ITGAL: variants seen among roughly 807,000 people sequenced by gnomAD.
ITGAL encodes integrin subunit alpha L.
A neutral mutation model predicts 138.4 loss-of-function variants in ITGAL; 68 were observed. The observed-to-expected ratio is 0.49, with a 90% CI of 0.40 to 0.60. The LOEUF (loss-of-function observed/expected upper bound fraction) is 0.60. ITGAL is among the 20% of genes least tolerant of loss of function. The probability of loss-of-function intolerance (pLI) is 0.00; values close to 1 mark genes in which losing one functional copy is unlikely to be tolerated. For missense variants in ITGAL, 1,256 were observed against 1,478.6 expected, an observed-to-expected ratio of 0.85 and a Z score of 2.47; for synonymous variants, 561 against 584.3, an observed-to-expected ratio of 0.96 and a Z score of 0.57.
intron 9 of ITGAL, among the ~76,000 whole-genome samples, chr16:30,485,416 A>G (rs368644215): frequency 2.5e-4 from 36 of 144,884 alleles, no homozygotes; most frequent in Non-Finnish European, 3.5e-4. Flanking sequence ...TAGTAGAGAC[A>G]GGGTTTCATC....
rs371713581 is a variant in ITGAL, at chr16:30,513,820, A to C, written c.2836A>C (p.Ile946Leu). Residue 946 changes from isoleucine (I) to leucine (L), a missense_variant, in exon 25 of 31, where the codon ATC becomes CTC. Around this residue, in one of 3 missense-constraint regions of ITGAL, gnomAD observed 867 missense variants for 972.5 expected, o/e 0.89. Transcript: ENST00000356798. The stretch of plus-strand genomic sequence containing the variant: ...CAGTTTCACCCCCAAAGGCCCCAAG[A>C]TCCACCAAGTCAAGCACATGTACCA... ...YVSFTPKGPK[I>L]HQVKHMYQVR... is the part of the protein sequence containing the mutation. 3 of 1,613,228 alleles carry C rather than the reference A, an allele frequency of 1.9e-6. No homozygotes were observed. Among genetic ancestry groups the C allele is most frequent in the Non-Finnish European group, 2.5e-6 (3 of 1,179,326 alleles).
chr16:30,499,101 C>T lies in ITGAL; in HGVS notation c.1860C>T (p.Thr620=), dbSNP rs752341031. 1.2e-6 allele frequency: 2 copies of T among 1,613,966 alleles called. No individual in the cohort carries two copies. The highest frequency in any genetic ancestry group is 1.3e-5 in the African/African-American group (1 of 74,888). ...CCCGGCCCGTGGTGGATATGGTCAC[C>T]CTGATGTCCTTCTCTCCAGCTGAGA... The part of the protein sequence containing the change: ...LSSRPVVDMV[T]LMSFSPAEIP... The change falls in exon 16 of 31, where the codon ACC becomes ACT. Residue 620 remains threonine (T), a synonymous_variant. Transcript: ENST00000356798.
intron 21 of ITGAL, among the ~76,000 whole-genome samples, chr16:30,507,640 A>T (rs1266778535): frequency 2.0e-5 from 3 of 150,104 alleles, no homozygotes; most frequent in African/African-American, 7.4e-5. Context: ...ATAGAGCAAG[A>T]CTCCATCTCA....
chr16:30,481,361 A>AT (rs2050557907), intron 6 of ITGAL, 78 bp from the exon 7 acceptor site: 1 of 1,058,490 alleles, frequency 9.4e-7, no homozygotes, highest in African/African-American at 1.7e-5. Context: ...AAAAAAAAAA[A>AT]AAAAAAGAAG....
intron 25 of ITGAL, among the ~76,000 whole-genome samples, chr16:30,514,359 C>G (rs937497439): frequency 2.6e-5 from 4 of 152,012 alleles, no homozygotes; most frequent in African/African-American, 4.8e-5. Context: ...TCACTGCAAC[C>G]TCCGCCTCCT....
Position 30,522,019 on chromosome 16 carries a change from G to A in ITGAL, c.*354G>A. The A allele has an allele frequency of 4.5e-6, 1 of 222,666 alleles. No homozygotes were observed. The highest frequency in any genetic ancestry group is 1.1e-4 in the East Asian group (1 of 9,130). 13.8% of individuals were successfully genotyped at this position (222,666 alleles called of 1,614,324 possible). ...CTGGCCCTCACCCCTGCCCTGGGATGTCCACAGATGCCTCCACCCCCCAGA... is the reference window on the plus strand; with the variant it reads ...CTGGCCCTCACCCCTGCCCTGGGATATCCACAGATGCCTCCACCCCCCAGA... On this transcript the variant is annotated 3_prime_UTR_variant, in exon 31 of 31. Transcript: ENST00000356798. This position sits in a 1 kb window ranked among gnomAD's most constrained non-coding sequence, Gnocchi z 4.0.
In ITGAL at chr16:30,521,603, G is replaced by T; in HGVS notation, c.3451G>T (p.Asp1151Tyr). The T allele has an allele frequency of 3.1e-6, 5 of 1,614,210 alleles. No individual in the cohort carries two copies. The highest frequency in any genetic ancestry group is 4.2e-6 in the Non-Finnish European group (5 of 1,180,040). ...EQLASGQEAG[D>Y]PGCLKPLHEK... ...GCTGGCATCTGGGCAAGAGGCTGGG[G>T]ATCCCGGCTGCCTGAAGCCCCTCCA... Residue 1151 changes from aspartate to tyrosine, a missense_variant, in exon 31 of 31, where the codon GAT becomes TAT. Around this residue, in one of 3 missense-constraint regions of ITGAL, gnomAD observed 867 missense variants for 972.5 expected, o/e 0.89. Coordinates refer to ENST00000356798, the MANE Select transcript of ITGAL (RefSeq NM_002209.3).
At chr16:30,509,350 C>T (rs143582716) in intron 21 of ITGAL, 1 of 152,226 alleles carries the variant, frequency 6.6e-6, no homozygotes, top group African/African-American at 2.4e-5. Context: ...AGACTGAAAT[C>T]TGTCCTTTAC....
rs775193597 is a variant in ITGAL at position 30,517,828 on chromosome 16, C to T, written c.3065C>T (p.Pro1022Leu). 1.9e-6 allele frequency: 3 copies of T among 1,614,186 alleles called. No homozygotes were observed. Among genetic ancestry groups the T allele is most frequent in the Non-Finnish European group, 2.5e-6 (3 of 1,180,028 alleles). The change falls in exon 28 of 31, where the codon CCT (proline) becomes CTT (leucine). Residue 1022 changes from proline (P) to leucine (L), a missense_variant. Around this residue, in one of 3 missense-constraint regions of ITGAL, gnomAD observed 867 missense variants for 972.5 expected, o/e 0.89. Coordinates refer to ENST00000356798, the MANE Select transcript of ITGAL (RefSeq NM_002209.3). Reference sequence around the variant, plus strand: ...CTCCCCGGAGCCCTGTTCCGCTGCCCTGTTGTCTTCAGGCAGGAGATCCTC... The same window carrying T: ...CTCCCCGGAGCCCTGTTCCGCTGCCTTGTTGTCTTCAGGCAGGAGATCCTC... The part of the protein sequence containing the change: ...PCLPGALFRC[P>L]VVFRQEILVQ...
intron 20 of ITGAL, among the ~76,000 whole-genome samples, 162 bp from the exon 21 acceptor site, chr16:30,506,553 C>A (rs2051000019): frequency 2.9e-5 from 2 of 69,300 alleles, no homozygotes; most frequent in African/African-American, 6.3e-5. Context: ...AGTGAGACTC[C>A]ATCTCAAAAA....
chr16:30,503,529 C>T (rs1264082838), intron 17 of ITGAL, among the ~76,000 whole-genome samples: 1 of 97,392 alleles, frequency 1.0e-5, no homozygotes, highest in East Asian at 3.5e-4. Context: ...GGAAGGACAA[C>T]GGAGGAAGGA....
intron 17 of ITGAL, 21 bp downstream of exon 17, chr16:30,499,510 G>A: frequency 6.2e-7 from 1 of 1,611,022 alleles, no homozygotes; most frequent in Non-Finnish European, 8.5e-7. Context: ...CAGCGCCAAT[G>A]CTCTGGGATG....
rs369017949 is a variant in ITGAL, at chr16:30,484,292, G to A, written c.1006+29G>A. Reference sequence around the variant, plus strand: ...AGTGGCAGGCCCTGGGAGAGGGCTCGGGAGTCTGCATAAAGAAATTCCCCT... The same window carrying A: ...AGTGGCAGGCCCTGGGAGAGGGCTCAGGAGTCTGCATAAAGAAATTCCCCT... On this transcript the variant is annotated intron_variant, in intron 9 of 30. Coordinates refer to ENST00000356798, the MANE Select transcript of ITGAL (RefSeq NM_002209.3). 56 of 1,599,068 alleles carry A rather than the reference G, an allele frequency of 3.5e-5. No individual in the cohort carries two copies. The East Asian group carries it at 3.8e-4, about 11-fold the overall frequency.
At chr16:30,506,963 G>A (rs1443652478) in intron 21 of ITGAL, 107 bp downstream of exon 21, 10 of 1,228,684 alleles carry the variant, frequency 8.1e-6, no homozygotes, top group Non-Finnish European at 1.2e-5. Context: ...GCAGCTGCGG[G>A]TGGACAGGGG....
chr16:30,514,698 A>G (rs192606568), intron 25 of ITGAL, among the ~76,000 whole-genome samples: 30 of 152,308 alleles, frequency 2.0e-4, no homozygotes, highest in Non-Finnish European at 4.0e-4. Flanking sequence ...TACTAGGACT[A>G]CAGGCATGAG....
chr16:30,497,072 C>T (rs556633034), intron 15 of ITGAL, among the ~76,000 whole-genome samples: 33 of 152,164 alleles, frequency 2.2e-4, no homozygotes, highest in African/African-American at 7.2e-4. Flanking sequence ...CAGCTGGGCA[C>T]GGTGGCTCAC....
chr16:30,497,513 G>C (rs1471781072), intron 15 of ITGAL, among the ~76,000 whole-genome samples: 2 of 151,020 alleles, frequency 1.3e-5, no homozygotes, highest in Non-Finnish European at 3.0e-5. Context: ...GTCTTGCACT[G>C]TTGCCCAGGC....
At chr16:30,504,393 C>G (rs2050952003) in intron 18 of ITGAL, 129 bp downstream of exon 18, 1 of 701,656 alleles carries the variant, frequency 1.4e-6, no homozygotes, top group East Asian at 2.7e-5. Context: ...GGGTGGATCA[C>G]TTAAGGTCAG....
rs59770529 is a variant in ITGAL at position 30,479,648 on chromosome 16, C to CTTTTTTTT, written c.576+209_576+216dup. 2.1e-4 allele frequency among the ~76,000 whole-genome samples: 15 copies of CTTTTTTTT among 72,862 alleles called. 1 individual carries two copies. The highest frequency in any genetic ancestry group is 3.3e-4 in the African/African-American group (6 of 18,010). The allele number at this position is 72,862 out of a possible 152,430, so 47.8% of individuals were successfully genotyped here. On this transcript the variant is annotated intron_variant, in intron 6 of 30. Coordinates refer to ENST00000356798, the MANE Select transcript of ITGAL (RefSeq NM_002209.3). ...TAGGAGTCTCTCTAGTTCTCATTTC[C>CTTTTTTTT]TTTTTTTTTTTTTTTTTTTTTTTTT... is the stretch of plus-strand genomic sequence containing the variant.
Sources: gnomAD v4.1 joint callset for allele counts (sites outside exome capture counted in the v4.1 genomes callset) on GRCh38, gnomAD v4.1.1 for gene constraint, gnomAD v4.1.1 regional missense constraint, Gnocchi (gnomAD v3.1) non-coding constraint, MANE v1.5 for transcripts, NCBI Gene and HGNC (gene_info 2026-07-23, HGNC 2026-07-21) for gene names.